The following COL14A1 variants were observed in gnomAD, a reference collection of about 807,000 sequenced individuals.
COL14A1 encodes the protein collagen type XIV alpha 1 chain.
COL14A1 carries 136 observed loss-of-function variants against 230.3 expected under a neutral mutation model. The observed-to-expected ratio is 0.59, with a 90% confidence interval of 0.51 to 0.68. The LOEUF is 0.68. Among genes scored for constraint, COL14A1 ranks in the 30% least tolerant of loss-of-function variants. The probability of loss-of-function intolerance (pLI) is 0.00; values close to 1 mark genes in which losing one functional copy is unlikely to be tolerated. For synonymous variants in COL14A1, 792 were observed against 784.1 expected, an observed-to-expected ratio of 1.01 and a Z score of -0.17; for missense variants, 1,976 against 2,215.8, an observed-to-expected ratio of 0.89 and a Z score of 2.17.
intron 25 of COL14A1, among the ~76,000 whole-genome samples, chr8:120,267,245 T>C (rs1819525487): frequency 6.6e-6 from 1 of 151,906 alleles, no homozygotes; most frequent in African/African-American, 2.4e-5. Context: ...CTTTCAGTCG[T>C]TTTTTCTTTC....
intron 26 of COL14A1, among the ~76,000 whole-genome samples, chr8:120,272,859 C>G (rs1329991540): frequency 6.6e-6 from 1 of 151,728 alleles, no homozygotes; most frequent in African/African-American, 2.4e-5. Flanking sequence ...AACTTTAACA[C>G]TCCACTAGCA....
chr8:120,299,152 C>T lies in COL14A1; in HGVS notation c.4314+1564C>T, dbSNP rs148939123. On this transcript the variant is annotated intron_variant, in intron 35 of 47. Transcript: ENST00000297848. ...ACTCCACTGGGTCCTGCCTGTGACA[C>T]GTGAGGATTATGGGAACTATATCAA... is the stretch of plus-strand genomic sequence containing the variant. 6.4e-3 allele frequency among the ~76,000 whole-genome samples: 969 copies of T among 152,048 alleles called. 10 individuals carry two copies. Among genetic ancestry groups the T allele is most frequent in the African/African-American group, 0.022 (899 of 41,494 alleles).
intron 40 of COL14A1, among the ~76,000 whole-genome samples, chr8:120,331,656 C>A (rs908642689): frequency 1.3e-5 from 2 of 152,178 alleles, no homozygotes; most frequent in African/African-American, 4.8e-5. Context: ...AAAGCTCAAT[C>A]ATTGCCACAC....
At chr8:120,319,681 T>C (rs1821368338) in intron 40 of COL14A1, among the ~76,000 whole-genome samples, 1 of 152,214 alleles carries the variant, frequency 6.6e-6, no homozygotes, top group South Asian at 2.1e-4. Flanking sequence ...GTTTCTAGCT[T>C]ATTCTGGCTT....
chr8:120,157,610 T>A (rs551040100), intron 2 of COL14A1, among the ~76,000 whole-genome samples: 1 of 152,360 alleles, frequency 6.6e-6, no homozygotes, highest in East Asian at 1.9e-4. Flanking sequence ...GACAAATGGA[T>A]ATCCCTTGGG....
Position 120,147,894 on chromosome 8 carries a change from G to A in COL14A1, c.52G>A (p.Ala18Thr). ...GTACTGGTTGCTTCCACCTTTTTTG[G>A]CAATTGTTTATTTCTGCACCATTGT... Reference protein sequence around the residue: ...MRYWLLPPFLAIVYFCTIVQG... With the variant: ...MRYWLLPPFLTIVYFCTIVQG... Residue 18 changes from alanine to threonine, a missense_variant, in exon 2 of 48, where the codon GCA becomes ACA. Coordinates refer to ENST00000297848, the MANE Select transcript of COL14A1 (RefSeq NM_021110.4). 2.5e-6 allele frequency: 4 copies of A among 1,613,608 alleles called. No homozygotes were observed. The highest frequency in any genetic ancestry group is 3.4e-6 in the Non-Finnish European group (4 of 1,179,820).
chr8:120,316,843 G>A (rs767706120), intron 40 of COL14A1, among the ~76,000 whole-genome samples: 5 of 152,098 alleles, frequency 3.3e-5, no homozygotes, highest in Non-Finnish European at 7.4e-5. Flanking sequence ...ATTGTACATC[G>A]TTTAGTATGG....
chr8:120,257,803 C>T (rs1819204431), intron 23 of COL14A1, among the ~76,000 whole-genome samples: 1 of 152,200 alleles, frequency 6.6e-6, no homozygotes, highest in African/African-American at 2.4e-5. Flanking sequence ...CAGTTGACCT[C>T]TTTCTGAATG....
intron 18 of COL14A1, 108 bp downstream of exon 18, chr8:120,228,877 C>T: frequency 1.0e-6 from 1 of 953,464 alleles, no homozygotes. Context: ...ATGACCCTCC[C>T]TTCCTTTTCT....
chr8:120,157,936 G>A (rs1815534119), intron 2 of COL14A1, among the ~76,000 whole-genome samples, 194 bp from the exon 3 acceptor site: 1 of 152,172 alleles, frequency 6.6e-6, no homozygotes, highest in African/African-American at 2.4e-5. Flanking sequence ...AGTGAGCTGA[G>A]ATCGTGCCAC....
At chr8:120,290,297 ACCATT>A (rs1159059916) in intron 34 of COL14A1, among the ~76,000 whole-genome samples, 2 of 152,122 alleles carry the variant, frequency 1.3e-5, no homozygotes, top group Non-Finnish European at 2.9e-5. Flanking sequence ...TGAGTAACAT[ACCATT>A]CTAAGATAAT....
At chr8:120,286,731 G>A (rs1005931181) in intron 33 of COL14A1, among the ~76,000 whole-genome samples, 1 of 152,034 alleles carries the variant, frequency 6.6e-6, no homozygotes, top group Non-Finnish European at 1.5e-5. Flanking sequence ...GGATGGTCTC[G>A]ATCTCCTGAC....
intron 1 of COL14A1, among the ~76,000 whole-genome samples, chr8:120,138,639 C>A (rs1031102809): frequency 1.3e-5 from 2 of 152,158 alleles, no homozygotes; most frequent in African/African-American, 4.8e-5. Context: ...TGTCATGATG[C>A]TAACAGATAA....
chr8:120,357,349 G>C (rs1823024311), intron 45 of COL14A1, among the ~76,000 whole-genome samples: 1 of 152,132 alleles, frequency 6.6e-6, no homozygotes, highest in Admixed American at 6.5e-5. Context: ...TCACTGTGGA[G>C]CTCTTCGTGG....
chr8:120,259,193 G>A (rs564795828), intron 23 of COL14A1, among the ~76,000 whole-genome samples: 11 of 152,248 alleles, frequency 7.2e-5, no homozygotes, highest in African/African-American at 2.6e-4. Context: ...ATTATGGGGA[G>A]TATAATTATT....
chr8:120,188,207 C>T (rs990663228), intron 5 of COL14A1, among the ~76,000 whole-genome samples: 10 of 152,038 alleles, frequency 6.6e-5, no homozygotes, highest in African/African-American at 2.2e-4. Context: ...CTCAACCTCC[C>T]GAGTAGATGG....
chr8:120,334,585 AACACACAC>A (rs3054171), intron 42 of COL14A1, among the ~76,000 whole-genome samples: 4,649 of 144,782 alleles, frequency 0.032, 229 homozygotes, highest in African/African-American at 0.11. Context: ...CACACACAAA[AACACACAC>A]ACACACACAC....
intron 42 of COL14A1, among the ~76,000 whole-genome samples, chr8:120,337,413 A>G (rs1010298437): frequency 7.3e-5 from 11 of 150,952 alleles, no homozygotes; most frequent in Admixed American, 1.3e-4. Flanking sequence ...AAAAAAAAAA[A>G]AAAAAGAAAA....
chr8:120,284,346 C>T (rs889459893), intron 32 of COL14A1, among the ~76,000 whole-genome samples: 5 of 152,110 alleles, frequency 3.3e-5, no homozygotes, highest in African/African-American at 1.2e-4. Context: ...AGGTTGGAAA[C>T]GTGAGGAAGA....
Sources: gnomAD v4.1 joint callset for allele counts (sites outside exome capture counted in the v4.1 genomes callset) on GRCh38, gnomAD v4.1.1 for gene constraint, MANE v1.5 for transcripts, NCBI Gene and HGNC (gene_info 2026-07-23, HGNC 2026-07-21) for gene names.